Variants in ITGA6 observed in about 807,000 individuals in gnomAD.
ITGA6 encodes integrin subunit alpha 6.
Under a neutral mutation model 133.6 loss-of-function variants are expected in ITGA6, and 63 were observed. The observed-to-expected ratio is 0.47, with a 90% CI of 0.38 to 0.58. The LOEUF (loss-of-function observed/expected upper bound fraction) is 0.58, where lower values mean the gene tolerates loss of function less well. Ranked by LOEUF, ITGA6 falls within the 20% of genes least tolerant of loss-of-function variation. ITGA6 has a pLI of 0.00. For synonymous variants in ITGA6, 434 were observed against 482.0 expected, an observed-to-expected ratio of 0.90 and a Z score of 1.30; for missense variants, 1,068 against 1,309.4, an observed-to-expected ratio of 0.82 and a Z score of 2.85.
At chr2:172,464,252 T>A (rs886208968) in intron 1 of ITGA6, 1 of 152,250 alleles carries the variant, frequency 6.6e-6, no homozygotes, top group Non-Finnish European at 1.5e-5. Flanking sequence ...AAAAAAAATA[T>A]GTTGAATCCT....
In ITGA6 at chr2:172,473,914, T is replaced by C. The variant is rs1004716943; in HGVS notation, c.776-141T>C. 7.3e-5 allele frequency: 46 copies of C among 627,706 alleles called. 3 individuals are homozygous for C. In the South Asian group the frequency reaches 8.2e-4, roughly 11 times the overall value. 38.9% of individuals were successfully genotyped at this position (627,706 alleles called of 1,614,324 possible). Reference sequence around the variant, plus strand: ...CACATCTGAACTCTGTCACTCATATTACGAATGTGATAGCTGGTGGGAGGG... The same window carrying C: ...CACATCTGAACTCTGTCACTCATATCACGAATGTGATAGCTGGTGGGAGGG... On this transcript the variant is annotated intron_variant, in intron 5 of 25. Transcript: ENST00000684293.
chr2:172,484,755 C>A lies in ITGA6; in HGVS notation c.1550-27C>A, dbSNP rs745802603. The A allele has an allele frequency of 8.7e-6, 14 of 1,602,982 alleles. No homozygotes were observed. In the African/African-American group the frequency reaches 1.7e-4, roughly 20 times the overall value. Reference sequence around the variant, plus strand: ...GCTGGATTGTGCATGAATGCACTTACGTTAATATGATTTTAATTTTATCTA... The same window carrying A: ...GCTGGATTGTGCATGAATGCACTTAAGTTAATATGATTTTAATTTTATCTA... On this transcript the variant is annotated intron_variant, in intron 11 of 25. Transcript: ENST00000684293.
intron 6 of ITGA6, 80 bp downstream of exon 6, chr2:172,474,345 C>G: frequency 8.0e-7 from 1 of 1,245,552 alleles, no homozygotes; most frequent in Non-Finnish European, 1.2e-6. Flanking sequence ...AAGAGCCGTC[C>G]TTTCAGGTTC....
At chr2:172,473,922 T>C in intron 5 of ITGA6, 133 bp from the exon 6 acceptor site, 1 of 635,342 alleles carries the variant, frequency 1.6e-6, no homozygotes, top group South Asian at 1.9e-5. Context: ...ATTACGAATG[T>C]GATAGCTGGT....
At chr2:172,432,165 A>G (rs1237166815) in intron 1 of ITGA6, among the ~76,000 whole-genome samples, 5 of 152,200 alleles carry the variant, frequency 3.3e-5, no homozygotes, top group East Asian at 1.9e-4. Flanking sequence ...GACAGGGTCA[A>G]TTGTGCCTGA....
intron 1 of ITGA6, among the ~76,000 whole-genome samples, chr2:172,453,161 G>A (rs1178395297): frequency 6.6e-6 from 1 of 152,140 alleles, no homozygotes; most frequent in Non-Finnish European, 1.5e-5. Flanking sequence ...GAGATTTGCA[G>A]ACAAAACTTT....
chr2:172,466,883 T>C (rs1418016308), intron 2 of ITGA6, among the ~76,000 whole-genome samples: 3 of 152,218 alleles, frequency 2.0e-5, no homozygotes, highest in East Asian at 1.9e-4. Flanking sequence ...TGGGTTTAAA[T>C]TGATACTGAA....
intron 17 of ITGA6, 70 bp from the exon 18 acceptor site, chr2:172,487,891 A>G (rs968796695): frequency 1.4e-5 from 21 of 1,510,790 alleles, no homozygotes; most frequent in Non-Finnish European, 1.9e-5. Context: ...CTACCTCATA[A>G]AAGAAGTCTA....
intron 1 of ITGA6, among the ~76,000 whole-genome samples, chr2:172,462,031 G>A (rs940832701): frequency 4.6e-5 from 7 of 152,218 alleles, no homozygotes; most frequent in African/African-American, 1.4e-4. Context: ...CGAATTAAGA[G>A]CCTTTGCTTG....
chr2:172,470,856 TC>T, intron 4 of ITGA6, 117 bp from the exon 5 acceptor site: 1 of 981,254 alleles, frequency 1.0e-6, no homozygotes, highest in Non-Finnish European at 1.5e-6. Flanking sequence ...TTCCTTTTTT[TC>T]CTCCAAATTT....
chr2:172,486,694 A>G (rs1443907882), intron 13 of ITGA6, among the ~76,000 whole-genome samples: 1 of 152,190 alleles, frequency 6.6e-6, no homozygotes, highest in African/African-American at 2.4e-5. Flanking sequence ...CACGTTACCT[A>G]TGATGAAACT....
chr2:172,446,942 G>A (rs1007658282), intron 1 of ITGA6, among the ~76,000 whole-genome samples: 1 of 152,150 alleles, frequency 6.6e-6, no homozygotes, highest in Non-Finnish European at 1.5e-5. Flanking sequence ...CTGTTGCCCA[G>A]GCTGGAGTGC....
At chr2:172,496,792 A>G (rs1033396877) in intron 23 of ITGA6, among the ~76,000 whole-genome samples, 1 of 152,354 alleles carries the variant, frequency 6.6e-6, no homozygotes, top group East Asian at 1.9e-4. Context: ...TGGTATCACA[A>G]AAGTTCATTT....
chr2:172,462,859 G>A (rs568859367), intron 1 of ITGA6, among the ~76,000 whole-genome samples: 1 of 152,318 alleles, frequency 6.6e-6, no homozygotes, highest in African/African-American at 2.4e-5. Flanking sequence ...TGACCAGGCT[G>A]CTGATCCTCG....
rs1383983054 is a variant in ITGA6, at chr2:172,485,166, G to T, written c.1756G>T (p.Val586Leu). 4 of 1,613,860 alleles carry T rather than the reference G, an allele frequency of 2.5e-6. No individual in the cohort carries two copies. The highest frequency in any genetic ancestry group is 3.4e-6 in the Non-Finnish European group (4 of 1,179,730). The change falls in exon 13 of 26, where the codon GTG becomes TTG. Residue 586 changes from valine (V) to leucine (L), a missense_variant. Transcript: ENST00000684293. ...GCGTCCCATTCCCATAACTGCCTCA[G>T]TGGAGATCCAAGAGCCAAGCTCTCG... ...KLRPIPITAS[V>L]EIQEPSSRRR...
At chr2:172,503,219 A>T (rs1034584933) in intron 25 of ITGA6, among the ~76,000 whole-genome samples, 6 of 151,958 alleles carry the variant, frequency 3.9e-5, no homozygotes, top group Non-Finnish European at 8.8e-5. Context: ...ACCTTTTTTT[A>T]AAAAAAGTAA....
chr2:172,461,842 C>T (rs1685438572), intron 1 of ITGA6, among the ~76,000 whole-genome samples: 1 of 152,188 alleles, frequency 6.6e-6, no homozygotes, highest in South Asian at 2.1e-4. Context: ...CAGGAGCCAA[C>T]CATGTCCTGA....
At chr2:172,449,091 G>A (rs1684881001) in intron 1 of ITGA6, among the ~76,000 whole-genome samples, 1 of 152,204 alleles carries the variant, frequency 6.6e-6, no homozygotes, top group Non-Finnish European at 1.5e-5. Context: ...AGGAGGGGCA[G>A]CTCCTGGTGG....
At chr2:172,428,148 G>T in intron 1 of ITGA6, 178 bp downstream of exon 1, 1 of 377,796 alleles carries the variant, frequency 2.6e-6, no homozygotes. Context: ...CCCGCCCCGC[G>T]CGGCGCCTCC....
Sources: gnomAD v4.1 joint callset for allele counts (sites outside exome capture counted in the v4.1 genomes callset) on GRCh38, gnomAD v4.1.1 for gene constraint, MANE v1.5 for transcripts, NCBI Gene and HGNC (gene_info 2026-07-23, HGNC 2026-07-21) for gene names.